FAM177B: variants seen among roughly 807,000 people sequenced by gnomAD.
The protein encoded by FAM177B is family with sequence similarity 177 member B.
In FAM177B, 16 loss-of-function variants were observed where a neutral mutation model predicts 16.1. The ratio of observed to expected loss-of-function variants is 0.99; its 90% CI spans 0.67 to 1.51. The LOEUF is 1.51. Ranked by LOEUF, FAM177B falls within the 40% of genes most tolerant of loss-of-function variation. The pLI is 0.00. For synonymous variants in FAM177B, 56 were observed against 59.9 expected (o/e 0.93, Z 0.30); for missense variants, 178 against 183.7 (o/e 0.97, Z 0.18).
intron 2 of FAM177B, chr1:222,739,967 A>C (rs1211218016): frequency 6.6e-6 from 1 of 152,216 alleles, no homozygotes; most frequent in Non-Finnish European, 1.5e-5. Flanking sequence ...CCAAATTAAA[A>C]TGGGTATTTT....
rs1658833534 is a variant in FAM177B at position 222,747,050 on chromosome 1, G to A, written c.210G>A (p.Trp70Ter). Residue 70 changes from tryptophan (W) to a stop codon, truncating the protein, a stop_gained, in exon 4 of 6, where the codon TGG (tryptophan) becomes TGA (stop). Transcript: ENST00000445590. LOFTEE classifies it high-confidence loss of function. ...KLSWGPYLRFWAGRIASTSFS... is the reference protein window; with the variant it reads ...KLSWGPYLRF ...CCTGGGGGCCCTACCTACGATTTTG[G>A]GCAGGACGAATAGCAAGCACCTCAT... The A allele has an allele frequency of 1.2e-6, 2 of 1,612,244 alleles. No homozygotes were observed.
chr1:222,750,661 G>GA lies in FAM177B; in HGVS notation c.*610dup. 3 of 589,498 alleles carry GA rather than the reference G, an allele frequency of 5.1e-6. No individual in the cohort carries two copies. The highest frequency in any genetic ancestry group is 6.4e-6 in the Non-Finnish European group (3 of 469,078). 36.5% of individuals were successfully genotyped at this position (589,498 alleles called of 1,614,324 possible). A position where few individuals can be genotyped will look rare whatever the true frequency, so the allele number is the denominator to read the frequency against. On this transcript the variant is annotated 3_prime_UTR_variant, in exon 6 of 6. Transcript: ENST00000445590. ...CAATTGATAAATAATATAAGCTCTA[G>GA]AAAAAAATATTAATGGATTATTTTC...
At chr1:222,749,815 G>T in intron 5 of FAM177B, 106 bp from the exon 6 acceptor site, 2 of 1,235,948 alleles carry the variant, frequency 1.6e-6, no homozygotes, top group East Asian at 2.3e-5. Context: ...AGAAGGCTCA[G>T]ATTGCTTAAA....
intron 2 of FAM177B, 49 bp from the exon 3 acceptor site, chr1:222,746,482 C>A: frequency 9.3e-7 from 1 of 1,070,452 alleles, no homozygotes; most frequent in Non-Finnish European, 1.4e-6. Flanking sequence ...CTAGATAACT[C>A]TCAGCTCTGG....
At position 222,750,110 on chromosome 1, in the gene FAM177B, C is replaced by T; in HGVS notation, c.*52C>T. 1 of 1,588,132 alleles carries T rather than the reference C, an allele frequency of 6.3e-7. No individual in the cohort carries two copies. The highest frequency in any genetic ancestry group is 8.5e-7 in the Non-Finnish European group (1 of 1,169,988). On this transcript the variant is annotated 3_prime_UTR_variant, in exon 6 of 6. Coordinates refer to ENST00000445590, the MANE Select transcript of FAM177B (RefSeq NM_001394345.1). ...GGCAGATCCTAGCTCATGATGGCAG[C>T]AAAGACTGCAGTTTCCCTGGATCTG...
chr1:222,747,308 A>T, intron 4 of FAM177B: 1 of 496,766 alleles, frequency 2.0e-6, no homozygotes, highest in Non-Finnish European at 3.6e-6. Context: ...CCCAAATTTT[A>T]TCTACTTCTA....
At chr1:222,746,020 T>C (rs995849307) in intron 2 of FAM177B, among the ~76,000 whole-genome samples, 34 of 152,258 alleles carry the variant, frequency 2.2e-4, no homozygotes, top group African/African-American at 7.7e-4. Context: ...GTCATCTGTA[T>C]ATCTTTGGTA....
intron 2 of FAM177B, among the ~76,000 whole-genome samples, chr1:222,745,128 G>T (rs1658733594): frequency 6.6e-6 from 1 of 152,170 alleles, no homozygotes; most frequent in Non-Finnish European, 1.5e-5. Context: ...AATTGCTGAG[G>T]AGTATTCTAT....
intron 2 of FAM177B, among the ~76,000 whole-genome samples, chr1:222,739,345 C>A (rs1658424406): frequency 6.6e-6 from 1 of 152,162 alleles, no homozygotes. Flanking sequence ...TTCTGCAATA[C>A]ACCAAATCCC....
intron 2 of FAM177B, among the ~76,000 whole-genome samples, chr1:222,744,813 A>G (rs1160309990): frequency 6.6e-6 from 1 of 152,204 alleles, no homozygotes; most frequent in Non-Finnish European, 1.5e-5. Context: ...AATAAAATGA[A>G]CTAATTTTAA....
intron 3 of FAM177B, 147 bp from the exon 4 acceptor site, chr1:222,746,868 T>C: frequency 1.1e-6 from 1 of 892,390 alleles, no homozygotes; most frequent in South Asian, 1.7e-5. Context: ...ATAGGCAACT[T>C]ACAATTTTAA....
At chr1:222,741,789 T>A (rs1337001029) in intron 2 of FAM177B, among the ~76,000 whole-genome samples, 1 of 147,106 alleles carries the variant, frequency 6.8e-6, no homozygotes, top group Admixed American at 6.7e-5. Context: ...TTTCTTTTTC[T>A]TTCTTTCTTT....
chr1:222,746,168 G>C (rs1192543468), intron 2 of FAM177B, among the ~76,000 whole-genome samples: 1 of 152,142 alleles, frequency 6.6e-6, no homozygotes, highest in African/African-American at 2.4e-5. Context: ...TCTCCTGTCT[G>C]TGTGAAGTCT....
chr1:222,745,200 G>A (rs1391864585), intron 2 of FAM177B, among the ~76,000 whole-genome samples: 2 of 152,180 alleles, frequency 1.3e-5, no homozygotes, highest in Non-Finnish European at 2.9e-5. Context: ...GTTGACTCCA[G>A]TTTGGAGTGT....
chr1:222,749,261 GAT>G (rs1658941957), intron 4 of FAM177B: 1 of 532,002 alleles, frequency 1.9e-6, no homozygotes, highest in African/African-American at 1.9e-5. Context: ...CCCATATAAA[GAT>G]AGAAGATTTG....
intron 2 of FAM177B, among the ~76,000 whole-genome samples, chr1:222,743,453 C>T (rs1199313624): frequency 1.3e-5 from 2 of 152,246 alleles, no homozygotes; most frequent in Non-Finnish European, 2.9e-5. Context: ...CCACCACACC[C>T]GGCCATGAAT....
intron 2 of FAM177B, among the ~76,000 whole-genome samples, chr1:222,744,653 T>C (rs1299603898): frequency 6.6e-6 from 1 of 152,156 alleles, no homozygotes; most frequent in African/African-American, 2.4e-5. Context: ...TACTCTTCAT[T>C]ACAATTTTAT....
Position 222,738,990 on chromosome 1 carries a change from A to G in FAM177B, c.-16+969A>G, listed in dbSNP as rs142483408. On this transcript the variant is annotated intron_variant, in intron 2 of 5. Coordinates refer to ENST00000445590, the MANE Select transcript of FAM177B (RefSeq NM_001394345.1). ...AAGAGCCCTCTGAACTTAAAGATGT[A>G]TATGGCTATTAATGCACAACACCAT... is the stretch of plus-strand genomic sequence containing the variant. Among the ~76,000 whole-genome samples, 226 of 152,348 alleles carry G rather than the reference A, an allele frequency of 1.5e-3. 6 individuals are homozygous for G. In the South Asian group the frequency reaches 0.021, roughly 14 times the overall value.
intron 1 of FAM177B, 158 bp from the exon 2 acceptor site, chr1:222,737,746 C>A (rs1243610029): frequency 1.3e-5 from 2 of 152,188 alleles, no homozygotes; most frequent in Non-Finnish European, 2.9e-5. Flanking sequence ...ACAATTCTGG[C>A]TCCTTTTCGA....
Sources: gnomAD v4.1 joint callset for allele counts (sites outside exome capture counted in the v4.1 genomes callset) on GRCh38, gnomAD v4.1.1 for gene constraint, MANE v1.5 for transcripts, NCBI Gene and HGNC (gene_info 2026-07-23, HGNC 2026-07-21) for gene names.